Variants in VIPR2 observed in about 807,000 individuals in gnomAD.
The protein encoded by VIPR2 is vasoactive intestinal polypeptide receptor 2.
Under a neutral mutation model 58.0 loss-of-function variants are expected in VIPR2, and 48 were observed. The observed-to-expected ratio is 0.83, with a 90% CI of 0.66 to 1.05. VIPR2 has a LOEUF of 1.05. Ranked by LOEUF, VIPR2 falls within the 50% of genes least tolerant of loss-of-function variation. The pLI, the probability that VIPR2 is intolerant of heterozygous loss-of-function variation, is 0.00. For missense variants in VIPR2, 534 were observed against 558.0 expected, an observed-to-expected ratio of 0.96 and a Z score of 0.43; for synonymous variants, 243 against 235.2, an observed-to-expected ratio of 1.03 and a Z score of -0.30.
chr7:159,100,806 GT>G (rs1397520634), intron 4 of VIPR2, among the ~76,000 whole-genome samples: 1 of 151,574 alleles, frequency 6.6e-6, no homozygotes, highest in Non-Finnish European at 1.5e-5. Flanking sequence ...AACTGTTCCT[GT>G]GATAGTGAAC....
intron 9 of VIPR2, 58 bp from the exon 10 acceptor site, chr7:159,034,362 A>C (rs1178104970): frequency 6.4e-7 from 1 of 1,566,328 alleles, no homozygotes; most frequent in Non-Finnish European, 8.7e-7. Flanking sequence ...TTTGCCCTGA[A>C]GTCCACCTGA....
intron 4 of VIPR2, among the ~76,000 whole-genome samples, chr7:159,070,109 T>C (rs1856303215): frequency 6.6e-6 from 1 of 152,176 alleles, no homozygotes; most frequent in African/African-American, 2.4e-5. Context: ...AGGGCTTCTG[T>C]ACCGAGGGTA....
chr7:159,061,941 C>T (rs977620543), intron 4 of VIPR2, among the ~76,000 whole-genome samples: 92 of 152,156 alleles, frequency 6.0e-4, no homozygotes, highest in African/African-American at 2.0e-3. Flanking sequence ...GAGCGGCGGC[C>T]GCGTCTGGAG....
chr7:159,125,477 T>C (rs1796619091), intron 2 of VIPR2, among the ~76,000 whole-genome samples: 1 of 152,206 alleles, frequency 6.6e-6, no homozygotes, highest in African/African-American at 2.4e-5. Context: ...ACAGAGCTGG[T>C]CCAGGGCAGC....
chr7:159,037,196 C>CGCA (rs1257778579), intron 6 of VIPR2, among the ~76,000 whole-genome samples: 2 of 152,226 alleles, frequency 1.3e-5, no homozygotes, highest in African/African-American at 4.8e-5. Flanking sequence ...CTAGACAGGC[C>CGCA]GCACAGCTCC....
At chr7:159,054,662 C>T (rs1333767806) in intron 5 of VIPR2, among the ~76,000 whole-genome samples, 1 of 152,198 alleles carries the variant, frequency 6.6e-6, no homozygotes, top group Non-Finnish European at 1.5e-5. Flanking sequence ...ATGGACAATA[C>T]CGAATGGAGG....
intron 6 of VIPR2, among the ~76,000 whole-genome samples, chr7:159,040,604 T>C (rs548645114): frequency 1.6e-4 from 25 of 152,244 alleles, no homozygotes; most frequent in Admixed American, 1.0e-3. Context: ...GATCCTAATA[T>C]CATGAGAAAA....
chr7:159,100,187 G>A (rs1452070630), intron 4 of VIPR2, among the ~76,000 whole-genome samples: 1 of 152,192 alleles, frequency 6.6e-6, no homozygotes, highest in Non-Finnish European at 1.5e-5. Flanking sequence ...GCAACAAGCA[G>A]ACTGCATGGG....
chr7:159,053,622 G>A (rs1393563448), intron 5 of VIPR2, among the ~76,000 whole-genome samples: 3 of 152,096 alleles, frequency 2.0e-5, no homozygotes, highest in Non-Finnish European at 4.4e-5. Context: ...GCTCACTGCA[G>A]CCTCAACCTG....
chr7:159,115,973 G>GT (rs1796222329), intron 2 of VIPR2, among the ~76,000 whole-genome samples: 1 of 152,236 alleles, frequency 6.6e-6, no homozygotes, highest in African/African-American at 2.4e-5. Context: ...ATTTGTTTGT[G>GT]AACAGCAAGG....
At chr7:159,119,981 C>T (rs1178477725) in intron 2 of VIPR2, among the ~76,000 whole-genome samples, 3 of 152,080 alleles carry the variant, frequency 2.0e-5, no homozygotes, top group South Asian at 2.1e-4. Context: ...TAGGTGGGGT[C>T]GGAAGAAATG....
At chr7:159,033,391 G>A (rs993368456) in intron 10 of VIPR2, among the ~76,000 whole-genome samples, 6 of 152,152 alleles carry the variant, frequency 3.9e-5, no homozygotes, top group South Asian at 2.1e-4. Context: ...TTCCACCCCC[G>A]GTCAGTCTGA....
At chr7:159,035,861 C>A in intron 8 of VIPR2, 91 bp downstream of exon 8, 1 of 1,530,982 alleles carries the variant, frequency 6.5e-7, no homozygotes, top group Non-Finnish European at 8.8e-7. Flanking sequence ...CCTGTCCTTC[C>A]AACCAGGTAA....
At position 159,097,219 on chromosome 7, in the gene VIPR2, C is replaced by A. The variant is rs148756924; in HGVS notation, c.357+6538G>T. Reference sequence around the variant, plus strand: ...GAGTGAAGTTTGCCATCAGTGGGAACGAGTCACTGCGGTGGCCTGAGTGCT... The same window carrying A: ...GAGTGAAGTTTGCCATCAGTGGGAAAGAGTCACTGCGGTGGCCTGAGTGCT... On this transcript the variant is annotated intron_variant, in intron 4 of 12. Transcript: ENST00000262178. The surrounding 1 kb of genome is among the most constrained non-coding windows in gnomAD (Gnocchi z 5.3). The A allele has an allele frequency of 7.0e-7, 1 of 1,419,984 alleles. No homozygotes were observed. Among genetic ancestry groups the A allele is most frequent in the Non-Finnish European group, 9.2e-7 (1 of 1,085,216 alleles). 88.0% of individuals were successfully genotyped at this position (1,419,984 alleles called of 1,614,324 possible).
intron 4 of VIPR2, among the ~76,000 whole-genome samples, chr7:159,065,792 G>A (rs1856045623): frequency 6.6e-6 from 1 of 152,218 alleles, no homozygotes; most frequent in Admixed American, 6.5e-5. Context: ...CTGGTTTTCT[G>A]TGGCCCGTGG....
At chr7:159,112,639 C>G (rs1451639358) in intron 2 of VIPR2, among the ~76,000 whole-genome samples, 3 of 135,668 alleles carry the variant, frequency 2.2e-5, no homozygotes, top group Non-Finnish European at 3.3e-5. Flanking sequence ...TGCAGGGAAC[C>G]GACGGGACCC....
chr7:159,116,471 CA>C (rs1336215304), intron 2 of VIPR2, among the ~76,000 whole-genome samples: 2 of 152,042 alleles, frequency 1.3e-5, no homozygotes, highest in African/African-American at 4.8e-5. Context: ...TGGTCAGTCA[CA>C]GGGGCTGGTC....
chr7:159,037,907 C>T (rs1263223930), intron 6 of VIPR2, among the ~76,000 whole-genome samples: 1 of 152,076 alleles, frequency 6.6e-6, no homozygotes, highest in Non-Finnish European at 1.5e-5. Context: ...ATACGTATGG[C>T]AGATATATAT....
chr7:159,087,880 G>A (rs1195398016), intron 4 of VIPR2, among the ~76,000 whole-genome samples: 1 of 152,174 alleles, frequency 6.6e-6, no homozygotes, highest in Non-Finnish European at 1.5e-5. Flanking sequence ...CCAGGACTCG[G>A]ATAGTGAGAT....
Sources: allele counts gnomAD v4.1 joint callset (sites outside exome capture counted in the v4.1 genomes callset), GRCh38; gene constraint gnomAD v4.1.1; non-coding constraint Gnocchi (gnomAD v3.1); transcripts MANE v1.5; gene names NCBI Gene and HGNC (gene_info 2026-07-23, HGNC 2026-07-21).